Variants in ADCY2 observed in about 807,000 individuals in gnomAD.
ADCY2 encodes adenylate cyclase type 2.
ADCY2 carries 31 observed loss-of-function variants against 125.2 expected under a neutral mutation model. The observed-to-expected ratio is 0.25, with a 90% CI of 0.19 to 0.33. The LOEUF is 0.33. ADCY2 is among the 10% of genes least tolerant of loss of function. ADCY2 has a pLI of 1.00. For synonymous variants in ADCY2, 512 were observed against 548.4 expected, an observed-to-expected ratio of 0.93 and a Z score of 0.93; for missense variants, 904 against 1,418.2, an observed-to-expected ratio of 0.64 and a Z score of 5.82.
chr5:7,661,396 A>G (rs1225364061), intron 4 of ADCY2, among the ~76,000 whole-genome samples: 1 of 152,204 alleles, frequency 6.6e-6, no homozygotes, highest in Non-Finnish European at 1.5e-5. Flanking sequence ...AAGAGGGACA[A>G]AAGAACCACA....
At chr5:7,724,424 TTA>T (rs1491520641) in intron 12 of ADCY2, 119 bp from the exon 13 acceptor site, 10 of 722,742 alleles carry the variant, frequency 1.4e-5, no homozygotes, top group South Asian at 5.1e-5. Context: ...TTTTTTTTTT[TTA>T]AATGCTGTTC....
intron 18 of ADCY2, among the ~76,000 whole-genome samples, chr5:7,780,914 G>T (rs938875180): frequency 6.6e-6 from 1 of 152,212 alleles, no homozygotes; most frequent in South Asian, 2.1e-4. Context: ...TGAGCAAAAT[G>T]ATTACTCCAT....
intron 1 of ADCY2, among the ~76,000 whole-genome samples, chr5:7,397,612 C>T (rs1042394730): frequency 7.2e-5 from 11 of 151,948 alleles, no homozygotes; most frequent in Non-Finnish European, 1.2e-4. Context: ...AAATAGCTGT[C>T]CTTGGTATTT....
intron 2 of ADCY2, among the ~76,000 whole-genome samples, chr5:7,491,994 C>T (rs1743180994): frequency 6.6e-6 from 1 of 152,214 alleles, no homozygotes; most frequent in African/African-American, 2.4e-5. Flanking sequence ...AACACAGGGG[C>T]TCTGCCCTGA....
At chr5:7,471,835 A>G (rs574612611) in intron 2 of ADCY2, among the ~76,000 whole-genome samples, 2 of 152,070 alleles carry the variant, frequency 1.3e-5, no homozygotes, top group South Asian at 2.1e-4. Flanking sequence ...TTTCTCTTCA[A>G]TATTTTAAAG....
intron 2 of ADCY2, among the ~76,000 whole-genome samples, chr5:7,459,856 G>A (rs140126350): frequency 0.022 from 2,958 of 136,572 alleles, 103 homozygotes; most frequent in African/African-American, 0.077. Context: ...GCGCGATCGC[G>A]GCTCACTGCA....
chr5:7,558,513 G>T (rs994107617), intron 3 of ADCY2, among the ~76,000 whole-genome samples: 4 of 152,100 alleles, frequency 2.6e-5, no homozygotes, highest in African/African-American at 9.7e-5. Flanking sequence ...CATGTCCTTT[G>T]CCCACTTTTT....
intron 24 of ADCY2, 178 bp from the exon 25 acceptor site, chr5:7,826,541 C>T: frequency 1.2e-6 from 1 of 808,588 alleles, no homozygotes; most frequent in Non-Finnish European, 2.1e-6. Flanking sequence ...AATTAAACAA[C>T]ATTGTCCTTT....
chr5:7,498,925 A>G (rs763361185), intron 2 of ADCY2, among the ~76,000 whole-genome samples: 3 of 152,220 alleles, frequency 2.0e-5, no homozygotes, highest in Non-Finnish European at 4.4e-5. Context: ...AGCCAAGCAT[A>G]AAAGGATATA....
At chr5:7,427,838 C>G (rs1463932233) in intron 2 of ADCY2, among the ~76,000 whole-genome samples, 1 of 152,150 alleles carries the variant, frequency 6.6e-6, no homozygotes, top group African/African-American at 2.4e-5. Context: ...TCTACTTTTC[C>G]ATTTGCTTTG....
chr5:7,505,121 C>A (rs1471969698), intron 2 of ADCY2, among the ~76,000 whole-genome samples: 1 of 151,908 alleles, frequency 6.6e-6, no homozygotes, highest in Non-Finnish European at 1.5e-5. Flanking sequence ...TGGGCTCAAG[C>A]AATTCTTCTA....
chr5:7,475,052 G>C (rs1306326253), intron 2 of ADCY2, among the ~76,000 whole-genome samples: 1 of 152,212 alleles, frequency 6.6e-6, no homozygotes, highest in African/African-American at 2.4e-5. Flanking sequence ...CCAGCAGGGG[G>C]AGTCCTCCCA....
At chr5:7,624,982 TAC>T in intron 3 of ADCY2, among the ~76,000 whole-genome samples, 1 of 152,210 alleles carries the variant, frequency 6.6e-6, no homozygotes, top group African/African-American at 2.4e-5. Context: ...AATAGTGGGT[TAC>T]ACTAAAAAGA....
chr5:7,490,606 A>G (rs995071569), intron 2 of ADCY2, among the ~76,000 whole-genome samples: 1 of 152,162 alleles, frequency 6.6e-6, no homozygotes, highest in Non-Finnish European at 1.5e-5. Context: ...TAATCAGCAC[A>G]TGTATTTCAA....
chr5:7,629,327 G>T (rs577454795), intron 4 of ADCY2, among the ~76,000 whole-genome samples: 59 of 150,762 alleles, frequency 3.9e-4, no homozygotes, highest in Non-Finnish European at 7.6e-4. Flanking sequence ...AGGATTGGAG[G>T]GGGGGCACTG....
intron 3 of ADCY2, among the ~76,000 whole-genome samples, chr5:7,602,622 C>T (rs551842731): frequency 6.6e-6 from 1 of 152,302 alleles, no homozygotes; most frequent in South Asian, 2.1e-4. Flanking sequence ...TTATTGCCTT[C>T]ATAAAACAGC....
rs1214589784 is a variant in ADCY2, at chr5:7,603,312, A to G, written c.571-22855A>G. On this transcript the variant is annotated intron_variant, in intron 3 of 24. Coordinates refer to ENST00000338316, the MANE Select transcript of ADCY2 (RefSeq NM_020546.3). Reference sequence around the variant, plus strand: ...GAAAGGTCTTGAAGAGCTGATCAGCAGTGTTTCCCGACTGTGTTGCCAGAG... The same window carrying G: ...GAAAGGTCTTGAAGAGCTGATCAGCGGTGTTTCCCGACTGTGTTGCCAGAG... 2.0e-5 allele frequency among the ~76,000 whole-genome samples: 3 copies of G among 152,188 alleles called. No homozygotes were observed. In the East Asian group the frequency reaches 5.8e-4, roughly 29 times the overall value.
rs1553984357 is a variant in ADCY2 at position 7,748,535 on chromosome 5, C to CACAG, written c.1956+4786_1956+4787insGACA. Among the ~76,000 whole-genome samples, 299 of 84,886 alleles carry CACAG rather than the reference C, an allele frequency of 3.5e-3. 3 individuals carry two copies. Among genetic ancestry groups the CACAG allele is most frequent in the African/African-American group, 9.0e-3 (286 of 31,622 alleles). The allele number at this position is 84,886 out of a possible 152,430, so 55.7% of individuals were successfully genotyped here. On this transcript the variant is annotated intron_variant, in intron 15 of 24. Transcript: ENST00000338316. ...CCACCCTCCAACACACACACACACA[C>CACAG]ACACACACACACACACACACACACA... is the stretch of plus-strand genomic sequence containing the variant.
At chr5:7,538,645 A>T (rs1247944604) in intron 3 of ADCY2, among the ~76,000 whole-genome samples, 3 of 152,068 alleles carry the variant, frequency 2.0e-5, no homozygotes, top group African/African-American at 4.8e-5. Flanking sequence ...ATCAAGCAAG[A>T]TATCCCATAA....
Sources: gnomAD v4.1 joint callset for allele counts (sites outside exome capture counted in the v4.1 genomes callset) on GRCh38, gnomAD v4.1.1 for gene constraint, MANE v1.5 for transcripts, NCBI Gene and HGNC (gene_info 2026-07-23, HGNC 2026-07-21) for gene names.